Variants in TAFA2 observed in about 807,000 individuals in gnomAD.
TAFA2 encodes chemokine-like protein TAFA-2.
In TAFA2, 7 loss-of-function variants were observed where a neutral mutation model predicts 18.8. The ratio of observed to expected loss-of-function variants is 0.37; its 90% CI spans 0.21 to 0.70. TAFA2 has a LOEUF of 0.70. TAFA2 is among the 30% of genes least tolerant of loss of function. The probability of loss-of-function intolerance (pLI) is 0.53; values close to 1 mark genes in which losing one functional copy is unlikely to be tolerated. For synonymous variants in TAFA2, 60 were observed against 54.2 expected, an observed-to-expected ratio of 1.11 and a Z score of -0.47; for missense variants, 122 against 158.1, an observed-to-expected ratio of 0.77 and a Z score of 1.23.
At chr12:61,768,472 C>T (rs1388544399) in intron 2 of TAFA2, among the ~76,000 whole-genome samples, 1 of 152,106 alleles carries the variant, frequency 6.6e-6, no homozygotes, top group African/African-American at 2.4e-5. Flanking sequence ...TGGCTTGCCA[C>T]TGTAGGTTTC....
intron 1 of TAFA2, among the ~76,000 whole-genome samples, chr12:61,874,614 T>G (rs1395775152): frequency 6.6e-6 from 1 of 152,180 alleles, no homozygotes; most frequent in Admixed American, 6.5e-5. Context: ...TTGTTGGATT[T>G]GTGCAAATAC....
chr12:62,067,020 A>C (rs1173875300), intron 1 of TAFA2, among the ~76,000 whole-genome samples: 2 of 152,068 alleles, frequency 1.3e-5, no homozygotes, highest in African/African-American at 4.8e-5. Flanking sequence ...CTGGGATGAG[A>C]TAATATTTCA....
chr12:61,961,584 A>C (rs988286552), intron 1 of TAFA2, among the ~76,000 whole-genome samples: 20 of 152,002 alleles, frequency 1.3e-4, no homozygotes, highest in African/African-American at 3.6e-4. Flanking sequence ...TTTTAAGATT[A>C]AGAAGCTATA....
chr12:62,022,059 GA>G, intron 1 of TAFA2: 1 of 567,396 alleles, frequency 1.8e-6, no homozygotes, highest in Admixed American at 2.1e-5. Flanking sequence ...CTGCCCTCTG[GA>G]AAACCAAACC....
At chr12:62,205,004 T>C (rs559606519) in intron 1 of TAFA2, among the ~76,000 whole-genome samples, 1 of 152,236 alleles carries the variant, frequency 6.6e-6, no homozygotes, top group South Asian at 2.1e-4. Context: ...TTTGGATGGG[T>C]TTTTATGGGG....
chr12:62,069,484 C>T (rs1277965650), intron 1 of TAFA2, among the ~76,000 whole-genome samples: 2 of 152,012 alleles, frequency 1.3e-5, no homozygotes, highest in South Asian at 2.1e-4. Context: ...TCAGATGCTA[C>T]GTACACCAGG....
intron 2 of TAFA2, among the ~76,000 whole-genome samples, chr12:61,756,947 A>G (rs1436322548): frequency 6.6e-6 from 1 of 152,066 alleles, no homozygotes; most frequent in Non-Finnish European, 1.5e-5. Flanking sequence ...GGGTGGCTGG[A>G]GTGTGGCTAA....
rs368269062 is a variant in TAFA2 at position 61,851,651 on chromosome 12, T to C, written c.106+15669A>G. On this transcript the variant is annotated intron_variant, in intron 2 of 4. Transcript: ENST00000416284. ...TTAGCTGGGCGTGGCGGCGGGGGCC[T>C]ATAGTCCCAGCAACTCCGGAGGCTG... 3.1e-3 allele frequency among the ~76,000 whole-genome samples: 469 copies of C among 151,060 alleles called. 3 individuals are homozygous for C. The highest frequency in any genetic ancestry group is 0.011 in the African/African-American group (444 of 41,246).
At chr12:62,149,601 A>ATG (rs1398097107) in intron 1 of TAFA2, among the ~76,000 whole-genome samples, 2 of 149,014 alleles carry the variant, frequency 1.3e-5, no homozygotes, top group Non-Finnish European at 3.0e-5. Context: ...ATATATATAT[A>ATG]TACTCTTGAC....
chr12:62,070,381 A>G (rs551225418), intron 1 of TAFA2: 2 of 152,314 alleles, frequency 1.3e-5, no homozygotes, highest in East Asian at 1.9e-4. Flanking sequence ...ACCAGCTAAG[A>G]GCAATAACCA....
intron 2 of TAFA2, among the ~76,000 whole-genome samples, chr12:61,816,758 A>C (rs1042593213): frequency 1.3e-5 from 2 of 151,302 alleles, no homozygotes; most frequent in Non-Finnish European, 2.9e-5. Flanking sequence ...TGGGAGTCAG[A>C]GAAGTCTTTA....
At chr12:62,123,688 CACACACACACACACATACAT>C (rs1870314875) in intron 1 of TAFA2, among the ~76,000 whole-genome samples, 1 of 658 alleles carries the variant, frequency 1.5e-3, no homozygotes, top group Non-Finnish European at 4.3e-3. Flanking sequence ...CCCTCTCTCT[CACACACACACACACATACAT>C]TCTGAACCCT....
At chr12:62,234,442 G>A (rs757549895) in intron 1 of TAFA2, 15 of 808,190 alleles carry the variant, frequency 1.9e-5, no homozygotes, top group South Asian at 2.6e-5. Context: ...TGGGTCTGAG[G>A]GTCCTGGCCA....
chr12:61,878,443 T>C (rs1874964827), intron 1 of TAFA2, among the ~76,000 whole-genome samples: 2 of 152,184 alleles, frequency 1.3e-5, no homozygotes, highest in African/African-American at 4.8e-5. Context: ...GTATTTGAAA[T>C]AGTATTAACC....
intron 1 of TAFA2, among the ~76,000 whole-genome samples, chr12:61,913,739 C>T (rs775921416): frequency 6.6e-6 from 1 of 152,076 alleles, no homozygotes; most frequent in African/African-American, 2.4e-5. Flanking sequence ...GAGCTAATGT[C>T]CTTCATGAAG....
At chr12:62,000,586 A>G (rs1424845398) in intron 1 of TAFA2, among the ~76,000 whole-genome samples, 1 of 146,600 alleles carries the variant, frequency 6.8e-6, no homozygotes, top group African/African-American at 2.5e-5. Context: ...ACAGTGATAT[A>G]TCTATGTATT....
At chr12:61,926,888 T>C (rs1036351781) in intron 1 of TAFA2, among the ~76,000 whole-genome samples, 3 of 151,414 alleles carry the variant, frequency 2.0e-5, no homozygotes, top group Non-Finnish European at 2.9e-5. Context: ...CTGGCAAACA[T>C]GGTGAAATCC....
intron 4 of TAFA2, among the ~76,000 whole-genome samples, chr12:61,743,361 T>C (rs1868545162): frequency 6.6e-6 from 1 of 152,108 alleles, no homozygotes; most frequent in African/African-American, 2.4e-5. Flanking sequence ...GAGAAAGTTA[T>C]TACTATAGCC....
At chr12:61,949,314 C>T (rs575306876) in intron 1 of TAFA2, among the ~76,000 whole-genome samples, 1 of 152,216 alleles carries the variant, frequency 6.6e-6, no homozygotes, top group South Asian at 2.1e-4. Flanking sequence ...TTCAAGTTTG[C>T]TGGCTTTCAG....
Sources: allele counts gnomAD v4.1 joint callset (sites outside exome capture counted in the v4.1 genomes callset), GRCh38; gene constraint gnomAD v4.1.1; transcripts MANE v1.5; gene names NCBI Gene and HGNC (gene_info 2026-07-23, HGNC 2026-07-21).